The following DLG2 variants were observed in gnomAD, a reference collection of about 807,000 sequenced individuals.
DLG2 encodes the protein discs large MAGUK scaffold protein 2.
Under a neutral mutation model 132.5 loss-of-function variants are expected in DLG2, and 45 were observed. That is an observed-to-expected ratio of 0.34 (90% CI 0.27 to 0.44). DLG2 has a LOEUF of 0.44. DLG2 is among the 20% of genes least tolerant of loss of function. The pLI is 1.00. For missense variants in DLG2, 1,045 were observed against 1,196.9 expected (o/e 0.87, Z 1.87); for synonymous variants, 424 against 419.6 (o/e 1.01, Z -0.13).
intron 8 of DLG2, among the ~76,000 whole-genome samples, chr11:84,167,586 A>C (rs1020855767): frequency 1.3e-5 from 2 of 152,164 alleles, no homozygotes; most frequent in African/African-American, 4.8e-5. Flanking sequence ...CTTAAATAAT[A>C]ATTTCTCTGA....
At chr11:85,485,292 T>C (rs907304885) in intron 3 of DLG2, among the ~76,000 whole-genome samples, 1 of 152,146 alleles carries the variant, frequency 6.6e-6, no homozygotes, top group Non-Finnish European at 1.5e-5. Flanking sequence ...GCATGGCACA[T>C]GTATACATAT....
chr11:83,669,654 T>C (rs531327436), intron 18 of DLG2, among the ~76,000 whole-genome samples: 6 of 152,330 alleles, frequency 3.9e-5, no homozygotes, highest in African/African-American at 9.6e-5. Flanking sequence ...GTTTTGACTC[T>C]ATTTTGAAGG....
At chr11:84,025,825 T>C (rs2095521859) in intron 11 of DLG2, among the ~76,000 whole-genome samples, 1 of 152,118 alleles carries the variant, frequency 6.6e-6, no homozygotes, top group African/African-American at 2.4e-5. Flanking sequence ...CCAGCATTTA[T>C]GAGTCAAACA....
Position 85,598,709 on chromosome 11 carries a change from C to A in DLG2, c.-13G>T, listed in dbSNP as rs773385431. ...TAAAGATACCCATCACCTTTTTAACCGCATTTTTCAACAGCTGCTCCTCTG... is the reference window on the plus strand; with the variant it reads ...TAAAGATACCCATCACCTTTTTAACAGCATTTTTCAACAGCTGCTCCTCTG... On this transcript the variant is annotated 5_prime_UTR_variant, in exon 3 of 28. Transcript: ENST00000376104. 31 of 1,576,728 alleles carry A rather than the reference C, an allele frequency of 2.0e-5. No individual in the cohort carries two copies. In the African/African-American group the frequency reaches 3.3e-4, roughly 17 times the overall value.
intron 6 of DLG2, chr11:84,922,996 C>A: frequency 6.4e-7 from 1 of 1,567,368 alleles, no homozygotes; most frequent in Non-Finnish European, 8.8e-7. Flanking sequence ...CCGAAAAGTC[C>A]TGAAGCTACA....
chr11:84,365,553 G>T (rs959031215), intron 7 of DLG2, among the ~76,000 whole-genome samples: 2 of 151,880 alleles, frequency 1.3e-5, no homozygotes, highest in Admixed American at 1.3e-4. Flanking sequence ...CCTTCTGCTA[G>T]CTTTTGAATG....
At chr11:84,862,347 T>C (rs925704452) in intron 6 of DLG2, among the ~76,000 whole-genome samples, 2 of 152,000 alleles carry the variant, frequency 1.3e-5, no homozygotes, top group Non-Finnish European at 2.9e-5. Context: ...TGTGGAGAAA[T>C]AGGAATGCTT....
At chr11:85,607,983 C>T (rs974909633) in intron 2 of DLG2, among the ~76,000 whole-genome samples, 8 of 152,114 alleles carry the variant, frequency 5.3e-5, no homozygotes, top group Admixed American at 2.6e-4. Flanking sequence ...GGATTTTTCT[C>T]GGTCCTCTTT....
chr11:84,369,804 A>T (rs1567437396), intron 7 of DLG2, among the ~76,000 whole-genome samples: 1 of 152,200 alleles, frequency 6.6e-6, no homozygotes, highest in African/African-American at 2.4e-5. Context: ...GAGGATCATA[A>T]GAAAGGATAT....
chr11:83,979,806 G>T (rs2092621314), intron 12 of DLG2, among the ~76,000 whole-genome samples: 1 of 152,090 alleles, frequency 6.6e-6, no homozygotes, highest in African/African-American at 2.4e-5. Flanking sequence ...GTAAGCCAGG[G>T]TGTTGTTTCT....
chr11:84,284,088 G>C (rs2097882706), intron 7 of DLG2, among the ~76,000 whole-genome samples: 1 of 152,132 alleles, frequency 6.6e-6, no homozygotes, highest in Non-Finnish European at 1.5e-5. Flanking sequence ...AACAAAATTA[G>C]CCAGGCGTGG....
At chr11:85,034,682 T>C (rs1000247764) in intron 6 of DLG2, among the ~76,000 whole-genome samples, 4 of 152,208 alleles carry the variant, frequency 2.6e-5, no homozygotes, top group African/African-American at 9.6e-5. Flanking sequence ...ATATCTTTTC[T>C]GAGCATCCTC....
At chr11:83,864,456 T>C (rs144421371) in intron 16 of DLG2, among the ~76,000 whole-genome samples, 4 of 152,196 alleles carry the variant, frequency 2.6e-5, no homozygotes, top group African/African-American at 9.6e-5. Flanking sequence ...ATCAAATCAA[T>C]GACTGAATGA....
At chr11:84,662,189 C>CT (rs1191006822) in intron 6 of DLG2, among the ~76,000 whole-genome samples, 2,119 of 120,660 alleles carry the variant, frequency 0.018, 25 homozygotes, top group South Asian at 0.033. Context: ...CTTTGTAAAT[C>CT]TTTTTTTTTT....
At chr11:83,642,531 T>C (rs1446783346) in intron 18 of DLG2, among the ~76,000 whole-genome samples, 2 of 152,172 alleles carry the variant, frequency 1.3e-5, no homozygotes, top group Non-Finnish European at 2.9e-5. Flanking sequence ...ACAATCTGAA[T>C]CCCTAACTAG....
intron 6 of DLG2, among the ~76,000 whole-genome samples, chr11:84,801,497 G>T (rs1049708247): frequency 6.6e-6 from 1 of 152,180 alleles, no homozygotes; most frequent in South Asian, 2.1e-4. Flanking sequence ...CGTGAAGGGC[G>T]CTTGCAGTGA....
At chr11:85,257,801 A>G (rs115047684) in intron 4 of DLG2, among the ~76,000 whole-genome samples, 116 of 152,328 alleles carry the variant, frequency 7.6e-4, no homozygotes, top group African/African-American at 2.6e-3. Flanking sequence ...GAAACAACAA[A>G]AAAGAGAATT....
chr11:84,255,551 T>G (rs1194655351), intron 7 of DLG2, among the ~76,000 whole-genome samples: 3 of 152,102 alleles, frequency 2.0e-5, no homozygotes, highest in Admixed American at 6.5e-5. Flanking sequence ...CTCAAACTCC[T>G]GACCTCATGT....
At chr11:83,750,389 CAG>C (rs1460567441) in intron 18 of DLG2, among the ~76,000 whole-genome samples, 1 of 152,154 alleles carries the variant, frequency 6.6e-6, no homozygotes, top group African/African-American at 2.4e-5. Context: ...AGTTAAAGAG[CAG>C]AGTCTTCTGG....
Sources: allele counts gnomAD v4.1 joint callset (sites outside exome capture counted in the v4.1 genomes callset), GRCh38; gene constraint gnomAD v4.1.1; transcripts MANE v1.5; gene names NCBI Gene and HGNC (gene_info 2026-07-23, HGNC 2026-07-21).